STK3: variants seen among roughly 807,000 people sequenced by gnomAD.
STK3 encodes serine/threonine kinase 3, also known as serine/threonine-protein kinase 3.
Under a neutral mutation model 58.0 loss-of-function variants are expected in STK3, and 41 were observed. The ratio of observed to expected loss-of-function variants is 0.71; its 90% CI spans 0.55 to 0.92. The LOEUF (loss-of-function observed/expected upper bound fraction) is 0.92. Ranked by LOEUF, STK3 falls within the 40% of genes least tolerant of loss-of-function variation. The pLI is 0.00. For synonymous variants in STK3, 170 were observed against 191.0 expected (o/e 0.89, Z 0.91); for missense variants, 479 against 602.7 (o/e 0.79, Z 2.15).
chr8:98,897,503 G>C lies in STK3; in HGVS notation c.-78-13669C>G, dbSNP rs544576386. ...GCGTGAACTCGGGAGGCTGAGGCAG[G>C]AGAATGGCGTGAACCCGGGAGGCGG... is the stretch of plus-strand genomic sequence containing the variant. On this transcript the variant is annotated intron_variant, in intron 1 of 1. Transcript: ENST00000519420. 2.8e-4 allele frequency among the ~76,000 whole-genome samples: 42 copies of C among 152,096 alleles called. No individual in the cohort carries two copies. The East Asian group carries it at 3.3e-3, about 12-fold the overall frequency.
At chr8:98,477,326 T>A (rs1214605449) in intron 10 of STK3, among the ~76,000 whole-genome samples, 1 of 152,162 alleles carries the variant, frequency 6.6e-6, no homozygotes, top group Non-Finnish European at 1.5e-5. Flanking sequence ...TTTTCTCCTG[T>A]TGATCTATCT....
chr8:98,584,093 GT>G (rs1042613979), intron 7 of STK3, among the ~76,000 whole-genome samples: 3 of 149,846 alleles, frequency 2.0e-5, no homozygotes, highest in African/African-American at 7.4e-5. Flanking sequence ...TTTTTTTAAA[GT>G]TTTTTTTTCT....
intron 3 of STK3, chr8:98,427,725 A>C: frequency 2.8e-6 from 1 of 361,212 alleles, no homozygotes; most frequent in African/African-American, 2.1e-5. Flanking sequence ...CAAAGCGCCC[A>C]CCGAGACCCC....
At chr8:98,788,613 G>A (rs533952659) in intron 1 of STK3, among the ~76,000 whole-genome samples, 4 of 152,134 alleles carry the variant, frequency 2.6e-5, no homozygotes, top group Admixed American at 1.3e-4. Flanking sequence ...CACCAAAAGC[G>A]AGTAGGAATA....
At chr8:98,844,360 G>T (rs920528830) in intron 3 of STK3, among the ~76,000 whole-genome samples, 1 of 152,130 alleles carries the variant, frequency 6.6e-6, no homozygotes. Context: ...TCAGCTATGG[G>T]AATATGATGT....
chr8:98,790,899 A>C (rs1395921825), intron 1 of STK3, among the ~76,000 whole-genome samples: 1 of 151,754 alleles, frequency 6.6e-6, no homozygotes, highest in Non-Finnish European at 1.5e-5. Context: ...CAGGAGAATC[A>C]CTTGAACCCC....
At chr8:98,489,656 A>G (rs140616737) in intron 10 of STK3, among the ~76,000 whole-genome samples, 10 of 152,232 alleles carry the variant, frequency 6.6e-5, no homozygotes, top group African/African-American at 2.2e-4. Flanking sequence ...GATTGTACCA[A>G]CACCAAGATT....
chr8:98,371,990 G>A (rs574896190), intron 2 of STK3, among the ~76,000 whole-genome samples: 4 of 152,110 alleles, frequency 2.6e-5, no homozygotes, highest in Non-Finnish European at 2.9e-5. Context: ...AGGGGGAGGG[G>A]GGTCCTTAAA....
rs188010744 is a variant in STK3 at position 98,838,141 on chromosome 8, A to G, written c.110+45506T>C. On this transcript the variant is annotated intron_variant, in intron 3 of 12. Coordinates refer to the STK3 transcript ENST00000523601. The stretch of plus-strand genomic sequence containing the variant: ...ACCTTTAGTACGAGCTACTCGAGAG[A>G]CTGAGGCAGAAGAATCGCTTGAACC... 8.6e-3 allele frequency among the ~76,000 whole-genome samples: 1,299 copies of G among 151,540 alleles called. 12 individuals are homozygous for G. Among genetic ancestry groups the G allele is most frequent in the African/African-American group, 0.03 (1,225 of 41,308 alleles).
chr8:98,830,750 C>G (rs1321268017), intron 3 of STK3, among the ~76,000 whole-genome samples: 1 of 152,066 alleles, frequency 6.6e-6, no homozygotes, highest in Non-Finnish European at 1.5e-5. Flanking sequence ...GCGGGCAGAT[C>G]ACGAGGTCAG....
chr8:98,514,594 C>T (rs933039225), intron 10 of STK3, among the ~76,000 whole-genome samples: 4 of 151,494 alleles, frequency 2.6e-5, no homozygotes, highest in Admixed American at 2.6e-4. Flanking sequence ...CAGGTGACAG[C>T]TGTAATCGGC....
intron 1 of STK3, among the ~76,000 whole-genome samples, chr8:98,818,237 A>G (rs1196823312): frequency 6.6e-6 from 1 of 152,206 alleles, no homozygotes; most frequent in Admixed American, 6.5e-5. Flanking sequence ...CACACTACTT[A>G]TATCTTTCAT....
chr8:98,838,130 C>CTACTCGA (rs1017747522), intron 3 of STK3, among the ~76,000 whole-genome samples: 3 of 149,264 alleles, frequency 2.0e-5, no homozygotes, highest in Non-Finnish European at 4.4e-5. Context: ...TTAGTACGAG[C>CTACTCGA]TACTCGAGAG....
intron 9 of STK3, among the ~76,000 whole-genome samples, chr8:98,538,523 G>C (rs1168762900): frequency 2.0e-5 from 3 of 152,132 alleles, no homozygotes; most frequent in Non-Finnish European, 4.4e-5. Context: ...ACAGAAAATA[G>C]TGACCAGCTG....
intron 1 of STK3, among the ~76,000 whole-genome samples, chr8:98,896,546 G>T (rs187499846): frequency 6.6e-6 from 1 of 152,126 alleles, no homozygotes; most frequent in African/African-American, 2.4e-5. Flanking sequence ...CTTGTCATAG[G>T]GTAAAATTAA....
chr8:98,351,054 G>T, the STK3 span, among the ~76,000 whole-genome samples: 1 of 152,150 alleles, frequency 6.6e-6, no homozygotes, highest in African/African-American at 2.4e-5. Flanking sequence ...CATATTTAAG[G>T]TATCCAAGAC....
chr8:98,848,670 C>A (rs1195229130), intron 3 of STK3, among the ~76,000 whole-genome samples: 1 of 152,148 alleles, frequency 6.6e-6, no homozygotes, highest in Non-Finnish European at 1.5e-5. Flanking sequence ...CTTGTGGTAG[C>A]ATATATCAGA....
chr8:98,756,020 A>AT (rs1830266820), intron 3 of STK3, among the ~76,000 whole-genome samples: 1 of 151,940 alleles, frequency 6.6e-6, no homozygotes, highest in African/African-American at 2.4e-5. Flanking sequence ...GCAGGGGCCT[A>AT]TAATCCCAGC....
chr8:98,735,411 T>C (rs1828502735), intron 4 of STK3, among the ~76,000 whole-genome samples: 2 of 152,138 alleles, frequency 1.3e-5, no homozygotes, highest in African/African-American at 4.8e-5. Flanking sequence ...ACTTAAAAGA[T>C]AGTTTAAAAT....
Sources: allele counts gnomAD v4.1 joint callset (sites outside exome capture counted in the v4.1 genomes callset), GRCh38; gene constraint gnomAD v4.1.1; transcripts MANE v1.5; gene names NCBI Gene and HGNC (gene_info 2026-07-23, HGNC 2026-07-21).